Variants in ORC3 observed in about 807,000 individuals in gnomAD.
ORC3 encodes the protein homolog of latheo, Drosophila.
A neutral mutation model predicts 100.7 loss-of-function variants in ORC3; 78 were observed. The ratio of observed to expected loss-of-function variants is 0.77; its 90% CI spans 0.65 to 0.94. The LOEUF (loss-of-function observed/expected upper bound fraction) is 0.94. Ranked by LOEUF, ORC3 falls within the 40% of genes least tolerant of loss-of-function variation. The pLI, the probability that ORC3 is intolerant of heterozygous loss-of-function variation, is 0.00. For missense variants in ORC3, 789 were observed against 823.9 expected (o/e 0.96, Z 0.52); for synonymous variants, 295 against 289.3 (o/e 1.02, Z -0.20).
intron 9 of ORC3, among the ~76,000 whole-genome samples, chr6:87,619,072 C>T (rs1779361602): frequency 6.6e-6 from 1 of 151,970 alleles, no homozygotes; most frequent in Non-Finnish European, 1.5e-5. Context: ...GAAATGTCAG[C>T]TAGAGGGAGT....
chr6:87,660,827 C>G (rs1770122782), intron 16 of ORC3, among the ~76,000 whole-genome samples: 1 of 152,226 alleles, frequency 6.6e-6, no homozygotes, highest in Non-Finnish European at 1.5e-5. Flanking sequence ...CTTACTTCTT[C>G]TCACATAAAT....
chr6:87,623,358 G>T (rs781525632), intron 11 of ORC3, among the ~76,000 whole-genome samples: 5 of 152,200 alleles, frequency 3.3e-5, no homozygotes, highest in Non-Finnish European at 7.4e-5. Context: ...CATGCAGGTT[G>T]TTTTGCTGGG....
At chr6:87,648,377 A>C (rs1768968065) in intron 13 of ORC3, among the ~76,000 whole-genome samples, 1 of 152,200 alleles carries the variant, frequency 6.6e-6, no homozygotes, top group Non-Finnish European at 1.5e-5. Context: ...CCACACACAA[A>C]TGTATATTAA....
chr6:87,646,120 G>A (rs911561679), intron 13 of ORC3, among the ~76,000 whole-genome samples: 10 of 151,516 alleles, frequency 6.6e-5, no homozygotes, highest in Admixed American at 2.0e-4. Context: ...CTGAGTAGCC[G>A]GGACTACAGG....
rs746315537 is a variant in ORC3 at position 87,622,002 on chromosome 6, A to C, written c.1174A>C (p.Arg392=). The change falls in exon 11 of 20, where the codon AGA becomes CGA. Residue 392 remains arginine (R), a synonymous_variant. Transcript: ENST00000392844. ...EKQVALLTNE[R]YLKEETQLLL... is the part of the protein sequence containing the mutation. The stretch of plus-strand genomic sequence containing the variant: ...GCAAGTTGCGCTCTTGACCAATGAG[A>C]GATATTTGAAGGTAGGAATGTGAAT... 1 of 1,604,964 alleles carries C rather than the reference A, an allele frequency of 6.2e-7. No homozygotes were observed. The highest frequency in any genetic ancestry group is 1.1e-5 in the South Asian group (1 of 90,492).
At chr6:87,592,909 T>C (rs1160756357) in intron 1 of ORC3, among the ~76,000 whole-genome samples, 1 of 151,804 alleles carries the variant, frequency 6.6e-6, no homozygotes, top group South Asian at 2.1e-4. Context: ...CTGGCCAACA[T>C]AGTGAAACCC....
At chr6:87,652,167 G>C (rs966861882) in intron 13 of ORC3, among the ~76,000 whole-genome samples, 1 of 152,030 alleles carries the variant, frequency 6.6e-6, no homozygotes, top group Non-Finnish European at 1.5e-5. Flanking sequence ...CAAAGTGCTG[G>C]GATTACAGGT....
chr6:87,597,340 A>G (rs1482177996), intron 2 of ORC3, among the ~76,000 whole-genome samples: 2 of 152,146 alleles, frequency 1.3e-5, no homozygotes, highest in Non-Finnish European at 2.9e-5. Flanking sequence ...TGGTACTCAA[A>G]AAGTTTCAGA....
At chr6:87,675,444 A>G in the ORC3 span, 3 of 1,041,730 alleles carry the variant, frequency 2.9e-6, no homozygotes, top group African/African-American at 3.2e-5. Flanking sequence ...TTCCAAAACC[A>G]GTTGCTGCTG....
intron 4 of ORC3, among the ~76,000 whole-genome samples, chr6:87,605,009 T>C (rs985228761): frequency 3.3e-5 from 5 of 152,182 alleles, no homozygotes; most frequent in African/African-American, 9.7e-5. Context: ...AAATCACAGA[T>C]GGTTATGTTA....
Position 87,616,421 on chromosome 6 carries a change from A to C in ORC3, c.981A>C (p.Gly327=), listed in dbSNP as rs1779157081. ...TCTCAGTTCAAAACTTTATAAAAGG[A>C]CTTCAGGTAAGAACACAGTAATGGG... is the stretch of plus-strand genomic sequence containing the variant. ...HDFSVQNFIK[G]LQLSLLEHFY... Residue 327 remains glycine (G), a synonymous_variant, in exon 9 of 20, where the codon GGA becomes GGC. Transcript: ENST00000392844. 7.6e-7 allele frequency: 1 copy of C among 1,322,650 alleles called. No individual in the cohort carries two copies. Among genetic ancestry groups the C allele is most frequent in the Non-Finnish European group, 1.1e-6 (1 of 916,248 alleles). The allele number at this position is 1,322,650 out of a possible 1,614,324, so 81.9% of individuals were successfully genotyped here.
At chr6:87,676,779 T>TAA in the ORC3 span, among the ~76,000 whole-genome samples, 1 of 122,072 alleles carries the variant, frequency 8.2e-6, no homozygotes, top group Non-Finnish European at 1.8e-5. Context: ...GACTCCATCT[T>TAA]AAAAAAAAAA....
chr6:87,601,531 G>T (rs1199069829), intron 2 of ORC3, among the ~76,000 whole-genome samples: 1 of 152,158 alleles, frequency 6.6e-6, no homozygotes, highest in African/African-American at 2.4e-5. Context: ...TTGAGCGGGC[G>T]TGGTGGCACG....
At chr6:87,675,502 C>T in the ORC3 span, 192 of 1,526,284 alleles carry the variant, frequency 1.3e-4, no homozygotes, top group Non-Finnish European at 1.6e-4. Flanking sequence ...CCTGTATTCA[C>T]AGAAGGGGTA....
chr6:87,602,585 G>A (rs1006648203), intron 3 of ORC3, among the ~76,000 whole-genome samples: 3 of 151,626 alleles, frequency 2.0e-5, no homozygotes, highest in African/African-American at 4.8e-5. Flanking sequence ...TTTACACCTA[G>A]TGGTAATGAG....
At chr6:87,677,026 A>G in the ORC3 span, among the ~76,000 whole-genome samples, 3 of 151,866 alleles carry the variant, frequency 2.0e-5, no homozygotes, top group East Asian at 5.8e-4. Flanking sequence ...GCAGTGAGCC[A>G]AGACTGCGCC....
chr6:87,658,412 G>T (rs552177074), intron 16 of ORC3, among the ~76,000 whole-genome samples: 2 of 151,100 alleles, frequency 1.3e-5, no homozygotes, highest in East Asian at 3.9e-4. Context: ...AGCCAAGATC[G>T]TGCCACTGCA....
intron 2 of ORC3, 56 bp downstream of exon 2, chr6:87,594,463 C>T: frequency 7.0e-7 from 1 of 1,436,850 alleles, no homozygotes; most frequent in Non-Finnish European, 9.4e-7. Flanking sequence ...CTATTAGGAA[C>T]TAACCCTAAT....
At chr6:87,624,154 T>C (rs1779724556) in intron 11 of ORC3, among the ~76,000 whole-genome samples, 1 of 152,014 alleles carries the variant, frequency 6.6e-6, no homozygotes, top group Non-Finnish European at 1.5e-5. Flanking sequence ...GCAGGCTACC[T>C]GCTGAAATCA....
Sources: allele counts gnomAD v4.1 joint callset (sites outside exome capture counted in the v4.1 genomes callset), GRCh38; gene constraint gnomAD v4.1.1; transcripts MANE v1.5; gene names NCBI Gene and HGNC (gene_info 2026-07-23, HGNC 2026-07-21).